The following PTPRA variants were observed in gnomAD, a reference collection of about 807,000 sequenced individuals.
The protein encoded by PTPRA is receptor-type tyrosine-protein phosphatase alpha.
Under a neutral mutation model 104.8 loss-of-function variants are expected in PTPRA, and 25 were observed. The observed-to-expected ratio is 0.24, with a 90% CI of 0.17 to 0.33. PTPRA has a LOEUF of 0.33. Ranked by LOEUF, PTPRA falls within the 10% of genes least tolerant of loss-of-function variation. The pLI is 1.00. For missense variants in PTPRA, 765 were observed against 1,015.3 expected (o/e 0.75, Z 3.35); for synonymous variants, 323 against 368.9 (o/e 0.88, Z 1.43).
intron 1 of PTPRA, among the ~76,000 whole-genome samples, chr20:2,922,264 CCT>C (rs1355787675): frequency 6.6e-6 from 1 of 152,118 alleles, no homozygotes; most frequent in Non-Finnish European, 1.5e-5. Context: ...TAAGCACACC[CCT>C]GTGAAACATC....
At chr20:2,877,080 C>G (rs2089766787) in intron 1 of PTPRA, among the ~76,000 whole-genome samples, 1 of 152,122 alleles carries the variant, frequency 6.6e-6, no homozygotes, top group Admixed American at 6.6e-5. Context: ...TGCTCAGTGT[C>G]AGTTTGTAAA....
chr20:2,960,451 A>G (rs927085981), intron 3 of PTPRA, among the ~76,000 whole-genome samples: 3 of 151,938 alleles, frequency 2.0e-5, no homozygotes, highest in Non-Finnish European at 2.9e-5. Flanking sequence ...GGGTTTCACC[A>G]TGTTAGCCAG....
chr20:3,018,496 C>A (rs1742685354), intron 13 of PTPRA, among the ~76,000 whole-genome samples: 1 of 151,652 alleles, frequency 6.6e-6, no homozygotes, highest in African/African-American at 2.4e-5. Context: ...ATCCATTCAA[C>A]CCTGAGTGGA....
At chr20:2,872,916 G>C (rs1202977671), upstream of PTPRA, among the ~76,000 whole-genome samples, 1 of 152,240 alleles carries the variant, frequency 6.6e-6, no homozygotes, top group Non-Finnish European at 1.5e-5. This position sits in a 1 kb window ranked among gnomAD's most constrained non-coding sequence, Gnocchi z 7.9. Flanking sequence ...TGGAAAGCGG[G>C]GGAGATTACC....
intron 3 of PTPRA, among the ~76,000 whole-genome samples, chr20:2,959,678 C>A (rs770126416): frequency 6.6e-6 from 1 of 152,104 alleles, no homozygotes; most frequent in South Asian, 2.1e-4. Context: ...TCCGGCCAGG[C>A]GCGGTGGCTC....
rs373707066 is a variant in PTPRA at position 2,928,117 on chromosome 20, T to C, written c.-50+4832T>C. 1.1e-4 allele frequency among the ~76,000 whole-genome samples: 17 copies of C among 152,064 alleles called. No homozygotes were observed. In the South Asian group the frequency reaches 3.3e-3, roughly 30 times the overall value. Reference sequence around the variant, plus strand: ...AATTTTGACTCTTTCTGGTATCCGTTTTTTGTTGTTGTTGTTGTTGTTGTT... The same window carrying C: ...AATTTTGACTCTTTCTGGTATCCGTCTTTTGTTGTTGTTGTTGTTGTTGTT... On this transcript the variant is annotated intron_variant, in intron 2 of 23. Transcript: ENST00000399903.
chr20:2,963,534 C>A (rs1196685129), intron 3 of PTPRA, among the ~76,000 whole-genome samples: 1 of 151,924 alleles, frequency 6.6e-6, no homozygotes, highest in Admixed American at 6.6e-5. Context: ...GCGGAGGTTG[C>A]CGTGAGCCAA....
chr20:2,947,382 T>G (rs2061173643), intron 2 of PTPRA, among the ~76,000 whole-genome samples: 1 of 152,206 alleles, frequency 6.6e-6, no homozygotes, highest in South Asian at 2.1e-4. Flanking sequence ...TGGAATTTAG[T>G]AGAATTATAC....
At chr20:2,958,779 G>A (rs1348468074) in intron 3 of PTPRA, among the ~76,000 whole-genome samples, 2 of 150,348 alleles carry the variant, frequency 1.3e-5, no homozygotes, top group African/African-American at 2.4e-5. Context: ...CCTAGGAGGC[G>A]GAGGTGGCAG....
chr20:2,967,993 T>G (rs912710199), intron 5 of PTPRA, among the ~76,000 whole-genome samples: 15 of 152,238 alleles, frequency 9.9e-5, no homozygotes, highest in African/African-American at 3.6e-4. Context: ...CTCCATTGTC[T>G]TATTCCAGTC....
intron 2 of PTPRA, among the ~76,000 whole-genome samples, chr20:2,926,658 A>G (rs1015733551): frequency 6.6e-6 from 1 of 151,724 alleles, no homozygotes; most frequent in East Asian, 1.9e-4. Context: ...AAAACAAAAC[A>G]AACCCATAAA....
At chr20:2,886,260 A>C (rs546415385) in intron 1 of PTPRA, among the ~76,000 whole-genome samples, 1 of 152,210 alleles carries the variant, frequency 6.6e-6, no homozygotes, top group Non-Finnish European at 1.5e-5. Context: ...GTATGGTTAC[A>C]TTAAAAAGAA....
intron 1 of PTPRA, among the ~76,000 whole-genome samples, chr20:2,897,676 C>T (rs2059063686): frequency 6.6e-6 from 1 of 152,124 alleles, no homozygotes; most frequent in Non-Finnish European, 1.5e-5. Context: ...GCTTGAGCCA[C>T]CGTGCCCAGC....
chr20:2,905,898 C>T (rs1270872966), intron 1 of PTPRA, among the ~76,000 whole-genome samples: 2 of 151,840 alleles, frequency 1.3e-5, no homozygotes, highest in Admixed American at 1.3e-4. Flanking sequence ...GTTGGTCAGG[C>T]TGGTCTCGAA....
chr20:3,008,738 A>C (rs1178028), intron 11 of PTPRA, among the ~76,000 whole-genome samples: 31,358 of 127,330 alleles, frequency 0.25, 5,462 homozygotes, highest in African/African-American at 0.59. Flanking sequence ...TAAAAAAAAA[A>C]AAAAAACAAA....
intron 1 of PTPRA, among the ~76,000 whole-genome samples, chr20:2,907,176 C>G (rs915008231): frequency 7.9e-5 from 12 of 152,138 alleles, no homozygotes; most frequent in Non-Finnish European, 1.5e-4. Flanking sequence ...GTTGTTCTGT[C>G]CTGTAATTTT....
intron 1 of PTPRA, among the ~76,000 whole-genome samples, chr20:2,874,247 G>A (rs2089560115): frequency 6.6e-6 from 1 of 152,112 alleles, no homozygotes; most frequent in South Asian, 2.1e-4. Context: ...AACTGTTGAG[G>A]CTGTTTAAGA....
intron 9 of PTPRA, among the ~76,000 whole-genome samples, chr20:2,999,238 G>A (rs2063529388): frequency 6.6e-6 from 1 of 152,142 alleles, no homozygotes; most frequent in Non-Finnish European, 1.5e-5. Context: ...TGAAGAGATA[G>A]GATCAATGGA....
At chr20:3,011,693 T>A (rs536645211) in intron 11 of PTPRA, among the ~76,000 whole-genome samples, 1 of 152,310 alleles carries the variant, frequency 6.6e-6, no homozygotes, top group East Asian at 1.9e-4. Flanking sequence ...GGATGTCAAG[T>A]GTGTCCATTG....
Sources: allele counts gnomAD v4.1 joint callset (sites outside exome capture counted in the v4.1 genomes callset), GRCh38; gene constraint gnomAD v4.1.1; non-coding constraint Gnocchi (gnomAD v3.1); transcripts MANE v1.5; gene names NCBI Gene and HGNC (gene_info 2026-07-23, HGNC 2026-07-21).